AKAP13: variants seen among roughly 807,000 people sequenced by gnomAD.
AKAP13 encodes A-kinase anchoring protein 13.
A neutral mutation model predicts 264.5 loss-of-function variants in AKAP13; 80 were observed. The ratio of observed to expected loss-of-function variants is 0.30; its 90% CI spans 0.25 to 0.36. The LOEUF (loss-of-function observed/expected upper bound fraction) is 0.36. Among genes scored for constraint, AKAP13 ranks in the 10% least tolerant of loss-of-function variants. The pLI is 1.00. For missense variants in AKAP13, 3,712 were observed against 3,435.2 expected (o/e 1.08, Z -2.01); for synonymous variants, 1,380 against 1,250.2 (o/e 1.10, Z -2.19).
rs140478940 is a variant in AKAP13 at position 85,727,761 on chromosome 15, G to A, written c.7087+298G>A. 6.6e-3 allele frequency among the ~76,000 whole-genome samples: 999 copies of A among 152,248 alleles called. 13 individuals are homozygous for A. The highest frequency in any genetic ancestry group is 0.023 in the African/African-American group (947 of 41,532). Reference sequence around the variant, plus strand: ...ACATTCTCTGTACTTTGTCACAGGCGAATTTGCCAAAATTTGTAGTCACAT... The same window carrying A: ...ACATTCTCTGTACTTTGTCACAGGCAAATTTGCCAAAATTTGTAGTCACAT... On this transcript the variant is annotated intron_variant, in intron 29 of 36. Coordinates refer to ENST00000394518, the MANE Select transcript of AKAP13 (RefSeq NM_007200.5). The surrounding 1 kb of genome is among the most constrained non-coding windows in gnomAD (Gnocchi z 5.3).
intron 4 of AKAP13, chr15:85,535,474 C>G (rs369377877): frequency 6.6e-6 from 1 of 152,126 alleles, no homozygotes; most frequent in Non-Finnish European, 1.5e-5. Context: ...AAACTTCTGT[C>G]TTGCTAATAT....
At chr15:85,693,154 G>C in intron 16 of AKAP13, 123 bp from the exon 17 acceptor site, 1 of 1,379,248 alleles carries the variant, frequency 7.3e-7, no homozygotes, top group East Asian at 2.8e-5. Context: ...CCAGAACTTT[G>C]TTTCTCACTC....
At chr15:85,390,932 T>G (rs1336864274) in intron 1 of AKAP13, among the ~76,000 whole-genome samples, 1 of 152,202 alleles carries the variant, frequency 6.6e-6, no homozygotes, top group Non-Finnish European at 1.5e-5. Flanking sequence ...AATTTTTAAG[T>G]GAAGGTATCA....
chr15:85,427,370 A>AT (rs145638202), intron 1 of AKAP13, among the ~76,000 whole-genome samples: 20,516 of 151,194 alleles, frequency 0.14, 1,766 homozygotes, highest in Non-Finnish European at 0.2. Context: ...AAATTTTGAG[A>AT]TTTTTTTTTC....
At chr15:85,562,805 C>T (rs1460988561) in intron 5 of AKAP13, among the ~76,000 whole-genome samples, 3 of 144,952 alleles carry the variant, frequency 2.1e-5, no homozygotes, top group Non-Finnish European at 3.0e-5. Flanking sequence ...AAGCGATTCT[C>T]CTGCCTCAGC....
At chr15:85,639,919 T>C (rs2082232553) in intron 9 of AKAP13, among the ~76,000 whole-genome samples, 1 of 152,214 alleles carries the variant, frequency 6.6e-6, no homozygotes, top group Non-Finnish European at 1.5e-5. Flanking sequence ...ATTACCCTGC[T>C]GTGTACCCAA....
At position 85,630,194 on chromosome 15, in the gene AKAP13, C is replaced by T. The variant is rs1056388024; in HGVS notation, c.4162-9180C>T. Among the ~76,000 whole-genome samples the T allele has an allele frequency of 1.3e-3, 109 of 86,960 alleles. 1 individual carries two copies. In the East Asian group the frequency reaches 0.028, roughly 22 times the overall value. The allele number at this position is 86,960 out of a possible 152,430, so 57.0% of individuals were successfully genotyped here. A position where few individuals can be genotyped will look rare whatever the true frequency, so the allele number is the denominator to read the frequency against. On this transcript the variant is annotated intron_variant, in intron 8 of 36. Transcript: ENST00000394518. ...ACACACACACACACACACACACACA[C>T]ACACACACACACACATCATGAACTA...
chr15:85,482,938 C>G (rs1314808782), intron 1 of AKAP13, among the ~76,000 whole-genome samples: 1 of 152,172 alleles, frequency 6.6e-6, no homozygotes, highest in African/African-American at 2.4e-5. Flanking sequence ...ATAACAATGA[C>G]CTGTCCCTTT....
chr15:85,566,507 A>T (rs761362593), intron 5 of AKAP13, among the ~76,000 whole-genome samples: 1 of 152,168 alleles, frequency 6.6e-6, no homozygotes, highest in Non-Finnish European at 1.5e-5. Context: ...CATAGTGCCT[A>T]CCACTTAATA....
chr15:85,559,851 T>C (rs138814966), intron 5 of AKAP13, among the ~76,000 whole-genome samples: 2 of 151,958 alleles, frequency 1.3e-5, no homozygotes, highest in Non-Finnish European at 2.9e-5. Context: ...GGCATGGGAG[T>C]TGGGGACCCC....
intron 8 of AKAP13, among the ~76,000 whole-genome samples, chr15:85,627,190 G>A (rs976826777): frequency 6.6e-6 from 1 of 152,062 alleles, no homozygotes; most frequent in Non-Finnish European, 1.5e-5. Flanking sequence ...TGAAGCTAGC[G>A]CCAGCCTTTC....
chr15:85,556,322 TG>T (rs1453673772), intron 5 of AKAP13, among the ~76,000 whole-genome samples: 1 of 152,228 alleles, frequency 6.6e-6, no homozygotes, highest in Non-Finnish European at 1.5e-5. Context: ...ACAGTAGGTT[TG>T]CTTTCACCAG....
At chr15:85,597,224 G>T (rs1004080838) in intron 8 of AKAP13, among the ~76,000 whole-genome samples, 1 of 152,130 alleles carries the variant, frequency 6.6e-6, no homozygotes, top group Non-Finnish European at 1.5e-5. Context: ...TGAGCATGAG[G>T]CTTGTGCCCT....
chr15:85,731,872 C>T (rs1230881696), intron 30 of AKAP13, among the ~76,000 whole-genome samples: 1 of 152,022 alleles, frequency 6.6e-6, no homozygotes, highest in African/African-American at 2.4e-5. Flanking sequence ...ACCTGAGGGT[C>T]AGGAGTTCAA....
intron 8 of AKAP13, among the ~76,000 whole-genome samples, chr15:85,618,454 TTTTTTTTTTTAA>T (rs1459743694): frequency 9.5e-5 from 2 of 20,972 alleles, no homozygotes; most frequent in Non-Finnish European, 2.4e-4. Flanking sequence ...GAGAAATCCT[TTTTTTTTTTTAA>T]TCCCTTTTTC....
intron 2 of AKAP13, among the ~76,000 whole-genome samples, chr15:85,493,473 T>A (rs1326845192): frequency 6.6e-6 from 1 of 152,194 alleles, no homozygotes; most frequent in African/African-American, 2.4e-5. Context: ...CTTGTCTTTA[T>A]GGTGCATGTG....
At chr15:85,740,609 G>A (rs538458082) in intron 34 of AKAP13, 2 of 349,978 alleles carry the variant, frequency 5.7e-6, no homozygotes, top group South Asian at 9.6e-5. Context: ...TATTTGAATA[G>A]AGTGGCCTTC....
chr15:85,550,590 T>G (rs761757435), intron 5 of AKAP13, among the ~76,000 whole-genome samples: 2 of 152,220 alleles, frequency 1.3e-5, no homozygotes, highest in Non-Finnish European at 2.9e-5. Flanking sequence ...ATTTTGCCCT[T>G]TTAGATTCCT....
At chr15:85,540,056 G>T (rs972647184) in intron 4 of AKAP13, among the ~76,000 whole-genome samples, 2 of 152,136 alleles carry the variant, frequency 1.3e-5, no homozygotes, top group Non-Finnish European at 2.9e-5. Context: ...ACCACTAAGA[G>T]AAATAATATG....
Sources: gnomAD v4.1 joint callset for allele counts (sites outside exome capture counted in the v4.1 genomes callset) on GRCh38, gnomAD v4.1.1 for gene constraint, Gnocchi (gnomAD v3.1) non-coding constraint, MANE v1.5 for transcripts, NCBI Gene and HGNC (gene_info 2026-07-23, HGNC 2026-07-21) for gene names.